The following COL6A2 variants were observed in gnomAD, a reference collection of about 807,000 sequenced individuals.
COL6A2 encodes the protein collagen alpha-2(VI) chain.
COL6A2 carries 90 observed loss-of-function variants against 124.9 expected under a neutral mutation model. The observed-to-expected ratio is 0.72, with a 90% CI of 0.61 to 0.86. The LOEUF (loss-of-function observed/expected upper bound fraction) is 0.86. Among genes scored for constraint, COL6A2 ranks in the 40% least tolerant of loss-of-function variants. COL6A2 has a pLI of 0.00. For synonymous variants in COL6A2, 793 were observed against 618.2 expected, an observed-to-expected ratio of 1.28 and a Z score of -4.19; for missense variants, 1,607 against 1,502.5, an observed-to-expected ratio of 1.07 and a Z score of -1.15.
chr21:46,106,146 C>T (rs2078333580), intron 1 of COL6A2, among the ~76,000 whole-genome samples: 1 of 152,182 alleles, frequency 6.6e-6, no homozygotes, highest in Non-Finnish European at 1.5e-5. Context: ...AGAAGGACAT[C>T]ATATATTAAT....
At chr21:46,101,231 C>A (rs935976071) in intron 1 of COL6A2, among the ~76,000 whole-genome samples, 2 of 151,992 alleles carry the variant, frequency 1.3e-5, no homozygotes, top group African/African-American at 2.4e-5. Context: ...CTGTTTAAGT[C>A]CTTGACCTAT....
rs886044418 is a variant in COL6A2 at position 46,126,164 on chromosome 21, G to A, written c.2349G>A (p.Val783=). The A allele has an allele frequency of 3.7e-6, 6 of 1,609,552 alleles. No homozygotes were observed. In the Admixed American group the frequency reaches 6.7e-5, roughly 18 times the overall value. Residue 783 remains valine, a synonymous_variant, in exon 26 of 28, where the codon GTG becomes GTA. Coordinates refer to ENST00000300527, the MANE Select transcript of COL6A2 (RefSeq NM_001849.4). ...TCGCCTGCGACAAGCCACAGCAGGT[G>A]CGCAACATGACGCTGTTCTCCGACC... ...YSIACDKPQQ[V]RNMTLFSDLV... is the part of the protein sequence containing the mutation.
chr21:46,123,628 A>G (rs1423475478), intron 21 of COL6A2, among the ~76,000 whole-genome samples: 9 of 151,124 alleles, frequency 6.0e-5, no homozygotes, highest in African/African-American at 1.5e-4. Flanking sequence ...TTGCTGGATG[A>G]GTGGGTGGGT....
chr21:46,125,962 A>G lies in COL6A2; in HGVS notation c.2147A>G (p.Lys716Arg), dbSNP rs1234329022. Reference protein sequence around the residue: ...ALKFAYDRLIKESRRQKTRVF... With the variant: ...ALKFAYDRLIRESRRQKTRVF... ...AAGTTTGCCTACGACCGCCTCATCA[A>G]GGAGAGCCGGCGCCAGAAGACACGT... The change falls in exon 26 of 28, where the codon AAG becomes AGG. Residue 716 changes from lysine (K) to arginine (R), a missense_variant. Lys to Arg is a conservative substitution (Grantham distance 26, BLOSUM62 2). Around this residue, in one of 3 missense-constraint regions of COL6A2, gnomAD observed 1,223 missense variants for 1,052.2 expected, o/e 1.16. Coordinates refer to ENST00000300527, the MANE Select transcript of COL6A2 (RefSeq NM_001849.4). The G allele has an allele frequency of 6.2e-7, 1 of 1,613,212 alleles. No homozygotes were observed. Among genetic ancestry groups the G allele is most frequent in the Admixed American group, 1.7e-5 (1 of 60,024 alleles).
intron 20 of COL6A2, 120 bp from the exon 21 acceptor site, chr21:46,122,755 A>C (rs2078586638): frequency 9.0e-6 from 10 of 1,110,886 alleles, no homozygotes; most frequent in South Asian, 2.6e-5. Context: ...AAAACCACAT[A>C]GATGCTCCCG....
intron 27 of COL6A2, chr21:46,129,455 CGT>C (rs2078727974): frequency 6.2e-7 from 1 of 1,601,122 alleles, no homozygotes; most frequent in Non-Finnish European, 8.5e-7. Context: ...ACAGGGACAT[CGT>C]GGGGGACCCC....
At chr21:46,106,326 G>A (rs9978018) in intron 1 of COL6A2, among the ~76,000 whole-genome samples, 97,322 of 151,922 alleles carry the variant, frequency 0.64, 31,502 homozygotes, top group East Asian at 0.8. Context: ...GGAGCTCAGT[G>A]TCAAGAGGGC....
chr21:46,122,997 G>T, intron 21 of COL6A2, 60 bp downstream of exon 21: 2 of 1,513,196 alleles, frequency 1.3e-6, no homozygotes, highest in Non-Finnish European at 1.8e-6. Flanking sequence ...GGGCCCTGAG[G>T]CTGAGCGTGT....
At chr21:46,127,418 G>A (rs12626197) in intron 27 of COL6A2, among the ~76,000 whole-genome samples, 67,518 of 152,024 alleles carry the variant, frequency 0.44, 16,305 homozygotes, top group Admixed American at 0.58. Flanking sequence ...CAGGGGAGGA[G>A]CCGTGGACTC....
intron 21 of COL6A2, 97 bp from the exon 22 acceptor site, chr21:46,124,554 G>T: frequency 8.9e-7 from 1 of 1,129,172 alleles, no homozygotes; most frequent in Non-Finnish European, 1.3e-6. Flanking sequence ...CCCCCGCCAA[G>T]GGAGGACCCG....
intron 1 of COL6A2, among the ~76,000 whole-genome samples, chr21:46,106,732 G>A (rs561578112): frequency 2.0e-5 from 3 of 152,242 alleles, no homozygotes; most frequent in Non-Finnish European, 4.4e-5. Context: ...CTAAGTTCTC[G>A]TGTGTTGTTA....
intron 16 of COL6A2, 95 bp from the exon 17 acceptor site, chr21:46,120,966 C>T: frequency 4.1e-6 from 5 of 1,212,022 alleles, no homozygotes; most frequent in Non-Finnish European, 6.1e-6. Context: ...CCCGTCTTAC[C>T]CCCGAGGCCC....
chr21:46,118,184 G>A (rs2078506518), intron 12 of COL6A2, among the ~76,000 whole-genome samples: 1 of 152,016 alleles, frequency 6.6e-6, no homozygotes, highest in Non-Finnish European at 1.5e-5. Flanking sequence ...CTCCCAGGTG[G>A]AGCCCCAGGG....
chr21:46,129,771 C>G (rs757529349), intron 27 of COL6A2: 5 of 1,313,054 alleles, frequency 3.8e-6, no homozygotes, highest in Non-Finnish European at 4.9e-6. Context: ...CACCCCAAGT[C>G]CAGAATGACC....
In COL6A2 at chr21:46,132,765, C is replaced by G. The variant is rs914951339; in HGVS notation, c.*213C>G. ...CTCCGCAGGCTGCCCGGCCTCCCTC[C>G]CCCTGCAGCCATCCCAAGGCTCCTG... On this transcript the variant is annotated 3_prime_UTR_variant, in exon 28 of 28. Coordinates refer to ENST00000300527, the MANE Select transcript of COL6A2 (RefSeq NM_001849.4). 1 of 597,376 alleles carries G rather than the reference C, an allele frequency of 1.7e-6. No individual in the cohort carries two copies. The highest frequency in any genetic ancestry group is 2.8e-5 in the East Asian group (1 of 35,616). The allele number at this position is 597,376 out of a possible 1,614,324, so 37.0% of individuals were successfully genotyped here.
At position 46,116,023 on chromosome 21, in the gene COL6A2, C is replaced by T. The variant is rs775046253; in HGVS notation, c.870C>T (p.Ile290=). The T allele has an allele frequency of 5.6e-6, 9 of 1,605,608 alleles. No homozygotes were observed. Among genetic ancestry groups the T allele is most frequent in the Non-Finnish European group, 7.6e-6 (9 of 1,176,672 alleles). The change falls in exon 7 of 28, where the codon ATC becomes ATT. Residue 290 remains isoleucine, a synonymous_variant. Transcript: ENST00000300527. The surrounding 1 kb of genome is among the most constrained non-coding windows in gnomAD (Gnocchi z 4.6). ...GTCCTTCACAGGGAGACCCGGGCATCGAAGGCCCCATTGGATTCCCAGGAC... is the reference window on the plus strand; with the variant it reads ...GTCCTTCACAGGGAGACCCGGGCATTGAAGGCCCCATTGGATTCCCAGGAC... ...GQKGRQGDPG[I]EGPIGFPGPK... is the part of the protein sequence containing the mutation.
chr21:46,118,050 C>T (rs1183176743), intron 12 of COL6A2, 114 bp downstream of exon 12: 2 of 982,206 alleles, frequency 2.0e-6, no homozygotes, highest in African/African-American at 1.6e-5. Flanking sequence ...AAACACTGGT[C>T]AGTGAGGAGC....
intron 5 of COL6A2, among the ~76,000 whole-genome samples, chr21:46,114,783 A>C (rs1454603685): frequency 1.3e-5 from 2 of 152,216 alleles, no homozygotes; most frequent in African/African-American, 4.8e-5. Context: ...AGGTGCATCA[A>C]ATAAAGTCCT....
Position 46,116,315 on chromosome 21 carries a change from C to T in COL6A2, c.901-62C>T. On this transcript the variant is annotated intron_variant, in intron 7 of 27. Transcript: ENST00000300527. The surrounding 1 kb of genome is among the most constrained non-coding windows in gnomAD (Gnocchi z 4.6). Reference sequence around the variant, plus strand: ...ACTCCCCTCAGCCTGCAGGGCTGGCCCTTCCCTGCCTGTGTCTCTGCAGAG... The same window carrying T: ...ACTCCCCTCAGCCTGCAGGGCTGGCTCTTCCCTGCCTGTGTCTCTGCAGAG... 6.3e-7 allele frequency: 1 copy of T among 1,590,700 alleles called. No homozygotes were observed. The highest frequency in any genetic ancestry group is 8.6e-7 in the Non-Finnish European group (1 of 1,162,360).
Sources: allele counts gnomAD v4.1 joint callset (sites outside exome capture counted in the v4.1 genomes callset), GRCh38; gene constraint gnomAD v4.1.1; regional missense constraint gnomAD v4.1.1; non-coding constraint Gnocchi (gnomAD v3.1); transcripts MANE v1.5; gene names NCBI Gene and HGNC (gene_info 2026-07-23, HGNC 2026-07-21).